Variants in AFG1L observed in about 807,000 individuals in gnomAD.
The protein encoded by AFG1L is AFG1-like ATPase.
A neutral mutation model predicts 62.2 loss-of-function variants in AFG1L; 53 were observed. That is an observed-to-expected ratio of 0.85 (90% confidence interval 0.68 to 1.07). The LOEUF is 1.07. Ranked by LOEUF, AFG1L falls within the 50% of genes least tolerant of loss-of-function variation. The probability of loss-of-function intolerance (pLI) is 0.00; values close to 1 mark genes in which losing one functional copy is unlikely to be tolerated. For missense variants in AFG1L, 555 were observed against 590.5 expected (o/e 0.94, Z 0.62); for synonymous variants, 228 against 210.3 (o/e 1.08, Z -0.73).
At chr6:108,471,415 G>T (rs949186624) in intron 8 of AFG1L, among the ~76,000 whole-genome samples, 4 of 150,320 alleles carry the variant, frequency 2.7e-5, no homozygotes, top group African/African-American at 9.7e-5. Flanking sequence ...TTGGGCCATA[G>T]AAATGAAATT....
chr6:108,438,546 C>CA (rs892417153), intron 7 of AFG1L, among the ~76,000 whole-genome samples: 1 of 149,598 alleles, frequency 6.7e-6, no homozygotes, highest in Non-Finnish European at 1.5e-5. Flanking sequence ...CATAATATTA[C>CA]TTTTTTTTTT....
chr6:108,357,614 G>A (rs1779342157), intron 5 of AFG1L, among the ~76,000 whole-genome samples: 2 of 152,114 alleles, frequency 1.3e-5, no homozygotes, highest in Non-Finnish European at 2.9e-5. Flanking sequence ...TTTTTAAAAA[G>A]TGTTATATAA....
chr6:108,411,268 C>G (rs756793554), intron 7 of AFG1L, among the ~76,000 whole-genome samples: 4 of 152,206 alleles, frequency 2.6e-5, no homozygotes, highest in Non-Finnish European at 4.4e-5. Flanking sequence ...CCTGGAAGCT[C>G]GAACTGGGTG....
chr6:108,335,097 G>A (rs942764417), intron 2 of AFG1L, among the ~76,000 whole-genome samples: 16 of 151,892 alleles, frequency 1.1e-4, no homozygotes, highest in Non-Finnish European at 5.9e-5. Flanking sequence ...AAGTTAAAGC[G>A]ATTTTCATGC....
chr6:108,455,053 A>G (rs2114767819), intron 8 of AFG1L, among the ~76,000 whole-genome samples: 1 of 152,338 alleles, frequency 6.6e-6, no homozygotes, highest in Non-Finnish European at 1.5e-5. Flanking sequence ...AGTCTGGGGA[A>G]GGGATGAAGA....
intron 10 of AFG1L, among the ~76,000 whole-genome samples, chr6:108,490,169 G>A (rs569074913): frequency 3.0e-4 from 45 of 152,294 alleles, no homozygotes; most frequent in African/African-American, 1.0e-3. Context: ...GACCATCCTG[G>A]TCAACATGGT....
chr6:108,300,086 A>G (rs1440915706), intron 1 of AFG1L, among the ~76,000 whole-genome samples: 1 of 152,090 alleles, frequency 6.6e-6, no homozygotes, highest in African/African-American at 2.4e-5. Flanking sequence ...CCTCTATTAA[A>G]TGATGATTCA....
intron 8 of AFG1L, among the ~76,000 whole-genome samples, chr6:108,470,583 C>CTCT (rs1772845906): frequency 6.6e-6 from 1 of 152,118 alleles, no homozygotes; most frequent in Admixed American, 6.5e-5. Context: ...GAACTGCTTA[C>CTCT]TCTTCCATTG....
At chr6:108,458,851 A>C (rs1772351035) in intron 8 of AFG1L, among the ~76,000 whole-genome samples, 1 of 151,732 alleles carries the variant, frequency 6.6e-6, no homozygotes, top group Non-Finnish European at 1.5e-5. Context: ...ATTGTCGGGT[A>C]CTGGAGTTTT....
chr6:108,376,201 T>G (rs1189553098), intron 6 of AFG1L, among the ~76,000 whole-genome samples: 4 of 152,126 alleles, frequency 2.6e-5, no homozygotes, highest in Non-Finnish European at 5.9e-5. Flanking sequence ...ATTTTCTCTC[T>G]CTTTTTCTTT....
chr6:108,513,497 C>G (rs1031847496), intron 11 of AFG1L, among the ~76,000 whole-genome samples: 5 of 152,224 alleles, frequency 3.3e-5, no homozygotes, highest in African/African-American at 4.8e-5. Flanking sequence ...GTTCTACACC[C>G]ACAGAGCCTC....
intron 7 of AFG1L, among the ~76,000 whole-genome samples, chr6:108,416,425 C>T (rs1479929587): frequency 6.6e-6 from 1 of 152,116 alleles, no homozygotes; most frequent in Non-Finnish European, 1.5e-5. Flanking sequence ...CATTACTGGG[C>T]ATATACCCAA....
intron 1 of AFG1L, among the ~76,000 whole-genome samples, chr6:108,316,555 A>C (rs1777608485): frequency 7.9e-6 from 1 of 125,976 alleles, no homozygotes; most frequent in African/African-American, 2.9e-5. Context: ...TTTTTTTGAG[A>C]TAGAGTCTCA....
chr6:108,445,633 TGAGAGA>T (rs59323063), intron 7 of AFG1L, among the ~76,000 whole-genome samples: 3,455 of 130,046 alleles, frequency 0.027, 47 homozygotes, highest in Middle Eastern at 0.048. Flanking sequence ...ACACCTAAGG[TGAGAGA>T]GAGAGAGAGA....
chr6:108,463,775 T>G (rs917616641), intron 8 of AFG1L, among the ~76,000 whole-genome samples: 24 of 152,174 alleles, frequency 1.6e-4, no homozygotes, highest in Admixed American at 6.5e-5. Flanking sequence ...AGATAAATAC[T>G]CAGACAAAAT....
At chr6:108,296,378 G>A (rs1407979161) in intron 1 of AFG1L, among the ~76,000 whole-genome samples, 2 of 152,070 alleles carry the variant, frequency 1.3e-5, no homozygotes, top group Non-Finnish European at 2.9e-5. Flanking sequence ...GTCAATAAAA[G>A]CAAATGCTAT....
intron 7 of AFG1L, among the ~76,000 whole-genome samples, chr6:108,415,986 C>T (rs1582552393): frequency 6.6e-6 from 1 of 152,142 alleles, no homozygotes; most frequent in Non-Finnish European, 1.5e-5. Context: ...GAACAGGCAA[C>T]CTACAGAATG....
intron 8 of AFG1L, among the ~76,000 whole-genome samples, chr6:108,451,939 T>C (rs1772074055): frequency 6.6e-6 from 1 of 152,158 alleles, no homozygotes; most frequent in African/African-American, 2.4e-5. Context: ...GGTCTTGAAC[T>C]CCTGACCTTA....
intron 7 of AFG1L, among the ~76,000 whole-genome samples, chr6:108,441,426 A>G (rs1771541042): frequency 1.3e-5 from 2 of 151,798 alleles, no homozygotes; most frequent in East Asian, 3.9e-4. Context: ...AGATTGTGTA[A>G]TTGTATTTGT....
Sources: allele counts gnomAD v4.1 joint callset (sites outside exome capture counted in the v4.1 genomes callset), GRCh38; gene constraint gnomAD v4.1.1; transcripts MANE v1.5; gene names NCBI Gene and HGNC (gene_info 2026-07-23, HGNC 2026-07-21).